Variants in GRIK3 observed in about 807,000 individuals in gnomAD.
GRIK3 encodes the protein glutamate receptor ionotropic, kainate 3.
Under a neutral mutation model 102.5 loss-of-function variants are expected in GRIK3, and 29 were observed. The ratio of observed to expected loss-of-function variants is 0.28; its 90% CI spans 0.21 to 0.39. GRIK3 has a LOEUF of 0.39. GRIK3 is among the 10% of genes least tolerant of loss of function. GRIK3 has a pLI of 1.00. For synonymous variants in GRIK3, 511 were observed against 504.9 expected (o/e 1.01, Z -0.16); for missense variants, 908 against 1,252.4 (o/e 0.73, Z 4.15).
chr1:36,887,927 A>G (rs113732740), intron 2 of GRIK3, among the ~76,000 whole-genome samples: 1,695 of 152,206 alleles, frequency 0.011, 29 homozygotes, highest in African/African-American at 0.039. Context: ...GTGAAGATGT[A>G]GGGCAAGTGC....
intron 1 of GRIK3, among the ~76,000 whole-genome samples, chr1:36,944,825 C>T (rs1000075088): frequency 2.0e-5 from 3 of 152,164 alleles, no homozygotes; most frequent in African/African-American, 4.8e-5. Context: ...GTATTTTCAG[C>T]GAGGTAATGT....
chr1:36,804,573 G>C (rs550586908), intron 15 of GRIK3: 2 of 285,508 alleles, frequency 7.0e-6, no homozygotes, highest in South Asian at 2.8e-4. Flanking sequence ...TGCAAAGGTA[G>C]AGAGAACAGT....
intron 1 of GRIK3, among the ~76,000 whole-genome samples, chr1:36,975,920 T>G (rs1642191310): frequency 6.6e-6 from 1 of 152,234 alleles, no homozygotes; most frequent in South Asian, 2.1e-4. Context: ...AATAAACAAG[T>G]GCTAAATTGA....
intron 1 of GRIK3, among the ~76,000 whole-genome samples, chr1:37,005,662 A>T (rs1244110020): frequency 6.6e-6 from 1 of 152,244 alleles, no homozygotes; most frequent in African/African-American, 2.4e-5. Context: ...CAAAGACGTG[A>T]CAGTGGGGAA....
chr1:36,957,509 T>C (rs1641932061), intron 1 of GRIK3, among the ~76,000 whole-genome samples: 1 of 118,442 alleles, frequency 8.4e-6, no homozygotes, highest in Non-Finnish European at 1.9e-5. Context: ...GCCCCATGAC[T>C]CTGTGCCCCA....
chr1:36,987,217 A>G (rs146887310), intron 1 of GRIK3, among the ~76,000 whole-genome samples: 1,729 of 151,116 alleles, frequency 0.011, 35 homozygotes, highest in African/African-American at 0.039. Flanking sequence ...GTTCGATTCC[A>G]TGTCTGCTCA....
intron 1 of GRIK3, among the ~76,000 whole-genome samples, chr1:36,947,372 G>T (rs1037388195): frequency 6.6e-6 from 1 of 151,926 alleles, no homozygotes; most frequent in Non-Finnish European, 1.5e-5. Flanking sequence ...CTCCACGCTG[G>T]TCTCAGCTGC....
intron 2 of GRIK3, among the ~76,000 whole-genome samples, chr1:36,885,167 A>G (rs1641024358): frequency 6.6e-6 from 1 of 152,160 alleles, no homozygotes; most frequent in Non-Finnish European, 1.5e-5. Flanking sequence ...GGTGATGTTG[A>G]TGTTGGTGTT....
At chr1:36,946,911 T>C (rs1218264083) in intron 1 of GRIK3, among the ~76,000 whole-genome samples, 1 of 152,126 alleles carries the variant, frequency 6.6e-6, no homozygotes, top group African/African-American at 2.4e-5. Context: ...TATTATACCC[T>C]CTACGGATCA....
Position 36,880,843 on chromosome 1 carries a change from T to C in GRIK3, c.341A>G (p.Gln114Arg), listed in dbSNP as rs780299150. 2.5e-6 allele frequency: 4 copies of C among 1,613,834 alleles called. No homozygotes were observed. The highest frequency in any genetic ancestry group is 3.4e-6 in the Non-Finnish European group (4 of 1,179,856). ...LGVVAIFGPS[Q>R]GSCTNAVQSI... is the part of the protein sequence containing the mutation. ...CTGGACGGCATTGGTGCAGGAGCCCTGTGATGGGCCGAAGATCGCCACCAC... is the reference window on the plus strand; with the variant it reads ...CTGGACGGCATTGGTGCAGGAGCCCCGTGATGGGCCGAAGATCGCCACCAC... The change falls in exon 3 of 16, where the codon CAG becomes CGG. Residue 114 changes from glutamine (Q) to arginine (R), a missense_variant. By Grantham distance (43) the Gln-to-Arg change is conservative (BLOSUM62 1). Transcript: ENST00000373091. This position sits in a 1 kb window ranked among gnomAD's most constrained non-coding sequence, Gnocchi z 5.4.
At chr1:36,867,192 C>T (rs1367125002) in intron 5 of GRIK3, among the ~76,000 whole-genome samples, 1 of 152,194 alleles carries the variant, frequency 6.6e-6, no homozygotes, top group Non-Finnish European at 1.5e-5. Context: ...ACCACAGCTA[C>T]CCTGGGTACA....
At chr1:37,032,407 CCAAGGACACCCTACGACG>C (rs1642837888) in intron 1 of GRIK3, among the ~76,000 whole-genome samples, 2 of 152,156 alleles carry the variant, frequency 1.3e-5, no homozygotes, top group South Asian at 4.2e-4. Flanking sequence ...ACCTTTTTCC[CCAAGGACACCCTACGACG>C]CAGGCCCCCA....
chr1:36,837,024 C>T (rs75750531), intron 10 of GRIK3, among the ~76,000 whole-genome samples: 1,768 of 152,094 alleles, frequency 0.012, 15 homozygotes, highest in Admixed American at 0.019. Flanking sequence ...GCCTCCTTCA[C>T]CCCATGCTCT....
intron 1 of GRIK3, among the ~76,000 whole-genome samples, chr1:37,025,131 A>G (rs996730110): frequency 6.6e-6 from 1 of 152,198 alleles, no homozygotes; most frequent in African/African-American, 2.4e-5. Flanking sequence ...TTTTAGAGGA[A>G]AATTTGCAAC....
At chr1:36,877,239 A>G (rs1162466474) in intron 3 of GRIK3, among the ~76,000 whole-genome samples, 4 of 152,130 alleles carry the variant, frequency 2.6e-5, no homozygotes, top group East Asian at 3.9e-4. Flanking sequence ...CACCTAGACT[A>G]TGTCAGTGTC....
intron 1 of GRIK3, among the ~76,000 whole-genome samples, chr1:36,962,640 A>AAGAGAGAG (rs5773557): frequency 6.9e-6 from 1 of 144,974 alleles, no homozygotes; most frequent in Admixed American, 6.9e-5. Flanking sequence ...GAGGGAGAGG[A>AAGAGAGAG]AGAGAGAGAG....
intron 1 of GRIK3, among the ~76,000 whole-genome samples, chr1:37,016,384 T>A (rs1642652379): frequency 6.6e-6 from 1 of 152,180 alleles, no homozygotes; most frequent in African/African-American, 2.4e-5. Flanking sequence ...TAGGGTTAAA[T>A]GAGCTCAGAA....
intron 1 of GRIK3, among the ~76,000 whole-genome samples, chr1:36,898,888 G>T (rs1364420066): frequency 6.6e-6 from 1 of 152,138 alleles, no homozygotes; most frequent in Non-Finnish European, 1.5e-5. Flanking sequence ...CACATGTATG[G>T]TTAAATGATT....
intron 1 of GRIK3, among the ~76,000 whole-genome samples, chr1:36,980,948 G>A (rs1240835672): frequency 6.6e-6 from 1 of 151,710 alleles, no homozygotes; most frequent in Non-Finnish European, 1.5e-5. Context: ...CCATCAGCTT[G>A]GCCAAGAAAC....
Sources: gnomAD v4.1 joint callset for allele counts (sites outside exome capture counted in the v4.1 genomes callset) on GRCh38, gnomAD v4.1.1 for gene constraint, Gnocchi (gnomAD v3.1) non-coding constraint, MANE v1.5 for transcripts, NCBI Gene and HGNC (gene_info 2026-07-23, HGNC 2026-07-21) for gene names.